The following MAPK10 variants were observed in gnomAD, a reference collection of about 807,000 sequenced individuals.
MAPK10 encodes JNK3 alpha protein kinase.
A neutral mutation model predicts 59.3 loss-of-function variants in MAPK10; 25 were observed. The ratio of observed to expected loss-of-function variants is 0.42; its 90% CI spans 0.31 to 0.59. The LOEUF (loss-of-function observed/expected upper bound fraction) is 0.59. Among genes scored for constraint, MAPK10 ranks in the 20% least tolerant of loss-of-function variants. MAPK10 has a pLI of 0.15. For synonymous variants in MAPK10, 190 were observed against 200.5 expected (o/e 0.95, Z 0.44); for missense variants, 351 against 568.9 (o/e 0.62, Z 3.90).
At chr4:86,205,477 T>A (rs1026674980) in intron 2 of MAPK10, among the ~76,000 whole-genome samples, 10 of 152,000 alleles carry the variant, frequency 6.6e-5, no homozygotes, top group African/African-American at 2.4e-4. Context: ...AATCCTCCTA[T>A]TAATTTGTTG....
chr4:86,328,236 C>T (rs1270767320), intron 2 of MAPK10, among the ~76,000 whole-genome samples: 1 of 151,956 alleles, frequency 6.6e-6, no homozygotes, highest in African/African-American at 2.4e-5. Context: ...ATGCAGCCAA[C>T]AAACATGAAA....
intron 1 of MAPK10, among the ~76,000 whole-genome samples, chr4:86,436,558 G>A (rs1308275687): frequency 6.6e-6 from 1 of 152,002 alleles, no homozygotes; most frequent in Non-Finnish European, 1.5e-5. Context: ...TATTCTAATA[G>A]TTTTGTTGCT....
intron 2 of MAPK10, among the ~76,000 whole-genome samples, chr4:86,280,690 C>A (rs1241985081): frequency 6.6e-6 from 1 of 152,100 alleles, no homozygotes; most frequent in African/African-American, 2.4e-5. Flanking sequence ...ATAGAATCAA[C>A]CTAGGTGCCC....
chr4:86,560,831 T>C (rs564675064), intron 1 of MAPK10, among the ~76,000 whole-genome samples: 2 of 152,386 alleles, frequency 1.3e-5, no homozygotes, highest in East Asian at 1.9e-4. Context: ...GATTCTTTCC[T>C]GTGCAGTCCT....
intron 2 of MAPK10, among the ~76,000 whole-genome samples, chr4:86,280,922 C>G (rs541494433): frequency 6.6e-6 from 1 of 152,066 alleles, no homozygotes; most frequent in East Asian, 1.9e-4. Flanking sequence ...AAGATGGGAA[C>G]AAAAGACACT....
chr4:86,491,374 G>T (rs74960699), intron 1 of MAPK10, among the ~76,000 whole-genome samples: 8,324 of 152,272 alleles, frequency 0.055, 308 homozygotes, highest in African/African-American at 0.084. Context: ...GATCCTGCCA[G>T]GACCCTCAAG....
chr4:86,441,932 C>T (rs1015896374), intron 1 of MAPK10, among the ~76,000 whole-genome samples: 3 of 152,138 alleles, frequency 2.0e-5, no homozygotes, highest in Non-Finnish European at 4.4e-5. Context: ...ACAAAAGGGG[C>T]TGGGGGGTAT....
intron 1 of MAPK10, among the ~76,000 whole-genome samples, chr4:86,432,687 A>G (rs769388399): frequency 1.3e-5 from 2 of 152,214 alleles, no homozygotes; most frequent in African/African-American, 4.8e-5. Flanking sequence ...GCTGGATCCA[A>G]TGATAGGACT....
chr4:86,478,854 T>C (rs899696820), intron 1 of MAPK10, among the ~76,000 whole-genome samples: 1 of 152,312 alleles, frequency 6.6e-6, no homozygotes, highest in Admixed American at 6.5e-5. Context: ...CTAGCCTGCC[T>C]CTTAGAACCT....
chr4:86,161,388 G>T (rs2069591285), intron 3 of MAPK10, among the ~76,000 whole-genome samples: 1 of 152,010 alleles, frequency 6.6e-6, no homozygotes. Context: ...GCAGAAAAAA[G>T]AACATCAGTC....
chr4:86,158,952 A>C, intron 4 of MAPK10: 1 of 174,702 alleles, frequency 5.7e-6, no homozygotes, highest in Non-Finnish European at 1.2e-5. Context: ...TTATCTTAAG[A>C]CATGTCCCCT....
Position 86,116,067 on chromosome 4 carries a change from A to G in MAPK10, c.237-8715T>C, listed in dbSNP as rs1250162412. Among the ~76,000 whole-genome samples, 3 of 152,380 alleles carry G rather than the reference A, an allele frequency of 2.0e-5. 1 individual carries two copies. The Middle Eastern group carries it at 0.01, about 518-fold the overall frequency. On this transcript the variant is annotated intron_variant, in intron 4 of 13. Coordinates refer to ENST00000641462, the MANE Select transcript of MAPK10 (RefSeq NM_138982.4). Reference sequence around the variant, plus strand: ...CATTGTATTGGCAGAAAATTGATCCATCACCTCAAAGACAAGAACTAAATC... The same window carrying G: ...CATTGTATTGGCAGAAAATTGATCCGTCACCTCAAAGACAAGAACTAAATC...
chr4:86,160,544 T>C (rs920812778), intron 3 of MAPK10: 1 of 152,026 alleles, frequency 6.6e-6, no homozygotes, highest in African/African-American at 2.4e-5. Flanking sequence ...TGGGCAGGTT[T>C]TAAAATGCCA....
At chr4:86,201,512 T>C (rs1486505317) in intron 2 of MAPK10, among the ~76,000 whole-genome samples, 1 of 151,900 alleles carries the variant, frequency 6.6e-6, no homozygotes, top group Non-Finnish European at 1.5e-5. Flanking sequence ...TTTTGCTCAA[T>C]GGATAGTGGA....
intron 1 of MAPK10, among the ~76,000 whole-genome samples, chr4:86,523,955 A>T (rs534228333): frequency 1.2e-4 from 19 of 152,166 alleles, no homozygotes; most frequent in Non-Finnish European, 2.8e-4. Context: ...TGTTTGGGTC[A>T]TGGGAGTGGA....
chr4:86,416,156 G>A (rs543830760), intron 1 of MAPK10, among the ~76,000 whole-genome samples: 1 of 152,128 alleles, frequency 6.6e-6, no homozygotes, highest in Non-Finnish European at 1.5e-5. Context: ...TAATTTAATA[G>A]GACTGATGTC....
At chr4:86,362,245 A>G (rs990100639), upstream of MAPK10, among the ~76,000 whole-genome samples, 10 of 152,244 alleles carry the variant, frequency 6.6e-5, no homozygotes, top group Admixed American at 5.9e-4. Flanking sequence ...AAGGAACGCC[A>G]TCTCTTACCT....
chr4:86,495,899 G>T (rs574071892), intron 1 of MAPK10, among the ~76,000 whole-genome samples: 14 of 151,990 alleles, frequency 9.2e-5, no homozygotes, highest in African/African-American at 2.7e-4. Flanking sequence ...GAATTTTTTT[G>T]CATATATTAA....
At chr4:86,304,520 G>C (rs373504297) in intron 2 of MAPK10, among the ~76,000 whole-genome samples, 2 of 149,514 alleles carry the variant, frequency 1.3e-5, no homozygotes, top group South Asian at 4.2e-4. Flanking sequence ...AGCCTCCCGA[G>C]TAGCTGGGAC....
Sources: gnomAD v4.1 joint callset for allele counts (sites outside exome capture counted in the v4.1 genomes callset) on GRCh38, gnomAD v4.1.1 for gene constraint, MANE v1.5 for transcripts, NCBI Gene and HGNC (gene_info 2026-07-23, HGNC 2026-07-21) for gene names.